ITPR1: variants seen among roughly 807,000 people sequenced by gnomAD.
ITPR1 encodes inositol 1,4,5-trisphosphate-gated calcium channel ITPR1.
Under a neutral mutation model 318.4 loss-of-function variants are expected in ITPR1, and 96 were observed. That is an observed-to-expected ratio of 0.30 (90% confidence interval 0.26 to 0.36). The LOEUF is 0.36. Ranked by LOEUF, ITPR1 falls within the 10% of genes least tolerant of loss-of-function variation. The pLI is 1.00. For synonymous variants in ITPR1, 1,312 were observed against 1,289.9 expected, an observed-to-expected ratio of 1.02 and a Z score of -0.37; for missense variants, 2,440 against 3,460.2, an observed-to-expected ratio of 0.71 and a Z score of 7.40.
chr3:4,570,787 G>A (rs945491899), intron 4 of ITPR1, among the ~76,000 whole-genome samples: 1 of 152,200 alleles, frequency 6.6e-6, no homozygotes, highest in African/African-American at 2.4e-5. Flanking sequence ...GTGATAAATG[G>A]ATCAGAAGAA....
rs370615766 is a variant in ITPR1 at position 4,766,674 on chromosome 3, G to A, written c.5689G>A (p.Asp1897Asn). ...TGACTTGGGAAATAAAAAGAAAGACGATGAGGTAGACAGGGATGCCCCATC... is the reference window on the plus strand; with the variant it reads ...TGACTTGGGAAATAAAAAGAAAGACAATGAGGTAGACAGGGATGCCCCATC... ...TSDLGNKKKD[D>N]EVDRDAPSRK... The change falls in exon 45 of 62, where the codon GAT becomes AAT. Residue 1897 changes from aspartate to asparagine, a missense_variant. Transcript: ENST00000649015. 1.7e-5 allele frequency: 27 copies of A among 1,612,306 alleles called. No homozygotes were observed. The Admixed American group carries it at 2.3e-4, about 14-fold the overall frequency.
At chr3:4,844,824 G>T (rs780049367) in intron 61 of ITPR1, among the ~76,000 whole-genome samples, 1 of 152,292 alleles carries the variant, frequency 6.6e-6, no homozygotes, top group South Asian at 2.1e-4. Context: ...TTATAACAGA[G>T]AAAGCATCTC....
At chr3:4,813,032 G>C in intron 56 of ITPR1, 110 bp from the exon 57 acceptor site, 3 of 797,516 alleles carry the variant, frequency 3.8e-6, no homozygotes, top group Non-Finnish European at 6.6e-6. Context: ...CAAGATTCTA[G>C]GGTGTTATTT....
chr3:4,571,478 A>G (rs570006926), intron 4 of ITPR1, among the ~76,000 whole-genome samples: 1 of 152,046 alleles, frequency 6.6e-6, no homozygotes, highest in South Asian at 2.1e-4. Flanking sequence ...AGCTGGGACT[A>G]CAGGCACATG....
rs773922728 is a variant in ITPR1 at position 4,711,750 on chromosome 3, C to G, written c.4992-7C>G. On this transcript the variant is annotated splice_region_variant and splice_polypyrimidine_tract_variant and intron_variant, in intron 38 of 61. Coordinates refer to ENST00000649015, the MANE Select transcript of ITPR1 (RefSeq NM_001378452.1). ...AGGAAGTAATCCGTGGTTTTCCCCC[C>G]ATTCAGGTTAATAAAGCATACAAAA... 5.4e-6 allele frequency: 8 copies of G among 1,474,002 alleles called. No homozygotes were observed. The Admixed American group carries it at 1.4e-4, about 25-fold the overall frequency. The allele number at this position is 1,474,002 out of a possible 1,614,324, so 91.3% of individuals were successfully genotyped here.
At chr3:4,622,084 C>T (rs1172882799) in intron 4 of ITPR1, among the ~76,000 whole-genome samples, 1 of 151,382 alleles carries the variant, frequency 6.6e-6, no homozygotes, top group African/African-American at 2.4e-5. Context: ...TTTCAGCATC[C>T]AGTCTTGTAC....
At chr3:4,617,013 G>A (rs2092414306) in intron 4 of ITPR1, among the ~76,000 whole-genome samples, 2 of 151,868 alleles carry the variant, frequency 1.3e-5, no homozygotes, top group South Asian at 4.2e-4. Flanking sequence ...TGGACGTAGT[G>A]AGATCAGAGA....
intron 4 of ITPR1, among the ~76,000 whole-genome samples, chr3:4,621,788 C>T (rs375001059): frequency 2.0e-5 from 3 of 152,366 alleles, no homozygotes; most frequent in East Asian, 3.9e-4. Flanking sequence ...AGGGCGTTTG[C>T]ACGTGCTGTT....
intron 4 of ITPR1, among the ~76,000 whole-genome samples, chr3:4,614,610 G>T (rs921430683): frequency 6.6e-6 from 1 of 152,194 alleles, no homozygotes; most frequent in African/African-American, 2.4e-5. Context: ...AACCCAGTCC[G>T]TCAGGTTCTA....
At position 4,513,585 on chromosome 3, in the gene ITPR1, G is replaced by A. The variant is rs576049329; in HGVS notation, c.-16-2891G>A. 1.6e-4 allele frequency among the ~76,000 whole-genome samples: 25 copies of A among 152,178 alleles called. 1 individual carries two copies. Among genetic ancestry groups the A allele is most frequent in the South Asian group, 1.5e-3 (7 of 4,816 alleles). ...TAAAGGTTACTTATTCACTTATCTC[G>A]GCCACTTAATAAGTATCTTGGTTAG... On this transcript the variant is annotated intron_variant, in intron 2 of 61. Transcript: ENST00000649015.
intron 44 of ITPR1, among the ~76,000 whole-genome samples, chr3:4,743,155 T>G (rs1436564287): frequency 6.6e-6 from 1 of 152,264 alleles, no homozygotes; most frequent in East Asian, 1.9e-4. Flanking sequence ...TGTCCTTTTT[T>G]CCTTTCCTTT....
rs368659431 is a variant in ITPR1, at chr3:4,691,288, A to G, written c.3973A>G (p.Ile1325Val). 1.2e-6 allele frequency: 2 copies of G among 1,613,594 alleles called. No homozygotes were observed. Among genetic ancestry groups the G allele is most frequent in the Admixed American group, 1.7e-5 (1 of 60,020 alleles). ...NVQYIKFLQT[I>V]VKAEGKFIKK... Reference sequence around the variant, plus strand: ...CCAGTATATAAAGTTCTTACAGACAATTGTCAAGGCAGAAGGGAAATTTAT... The same window carrying G: ...CCAGTATATAAAGTTCTTACAGACAGTTGTCAAGGCAGAAGGGAAATTTAT... The change falls in exon 32 of 62, where the codon ATT becomes GTT. Residue 1325 changes from isoleucine to valine, a missense_variant. By Grantham distance (29) the Ile-to-Val change is conservative. Coordinates refer to ENST00000649015, the MANE Select transcript of ITPR1 (RefSeq NM_001378452.1).
At chr3:4,597,283 C>G (rs967152721) in intron 4 of ITPR1, among the ~76,000 whole-genome samples, 19 of 152,160 alleles carry the variant, frequency 1.2e-4, no homozygotes, top group African/African-American at 4.6e-4. Flanking sequence ...CTGGATTTGG[C>G]TTGAAGTCAA....
Position 4,661,048 on chromosome 3 carries a change from T to G in ITPR1, c.1212T>G (p.Ile404Met). 6.2e-7 allele frequency: 1 copy of G among 1,610,944 alleles called. No individual in the cohort carries two copies. Among genetic ancestry groups the G allele is most frequent in the Non-Finnish European group, 8.5e-7 (1 of 1,177,202 alleles). The part of the protein sequence containing the change: ...CTNTWVHSTN[I>M]PIDKEEEKPV... ...ATACCTGGGTTCACAGCACAAATAT[T>G]CCTATTGACAAGGAAGAAGAAAAGC... is the stretch of plus-strand genomic sequence containing the variant. The change falls in exon 14 of 62, where the codon ATT becomes ATG. Residue 404 changes from isoleucine to methionine, a missense_variant. Physicochemically the swap from Ile to Met is conservative, Grantham distance 10. Transcript: ENST00000649015.
At chr3:4,498,877 A>G (rs749229028) in intron 2 of ITPR1, among the ~76,000 whole-genome samples, 7 of 152,396 alleles carry the variant, frequency 4.6e-5, no homozygotes, top group Non-Finnish European at 4.4e-5. Context: ...GAGGACTAAT[A>G]TTCTGCTCTC....
At chr3:4,571,266 C>G (rs1478251456) in intron 4 of ITPR1, among the ~76,000 whole-genome samples, 3 of 152,188 alleles carry the variant, frequency 2.0e-5, no homozygotes, top group Non-Finnish European at 2.9e-5. Flanking sequence ...CAGTTCACTA[C>G]ATAAGATTTA....
intron 29 of ITPR1, 81 bp downstream of exon 29, chr3:4,684,427 G>C: frequency 1.0e-6 from 1 of 1,002,550 alleles, no homozygotes; most frequent in South Asian, 1.4e-5. Context: ...CAAGTTGAAG[G>C]TACACACATT....
rs56096727 is a variant in ITPR1, at chr3:4,840,029, C to CTTTTTTTTTT, written c.8190+3114_8190+3123dup. Among the ~76,000 whole-genome samples, 90 of 104,880 alleles carry CTTTTTTTTTT rather than the reference C, an allele frequency of 8.6e-4. 10 individuals carry two copies. The highest frequency in any genetic ancestry group is 1.7e-3 in the African/African-American group (42 of 24,944). The allele number at this position is 104,880 out of a possible 152,430, so 68.8% of individuals were successfully genotyped here. A position where few individuals can be genotyped will look rare whatever the true frequency, so the allele number is the denominator to read the frequency against. ...TTACAGGAAAAATTCAGCATAGCTGCTTTTTTTTTTTTTTTTTTTTTTTTT... is the reference window on the plus strand; with the variant it reads ...TTACAGGAAAAATTCAGCATAGCTGCTTTTTTTTTTTTTTTTTTTTTTTTTTTTTTTTTTT... On this transcript the variant is annotated intron_variant, in intron 61 of 61. Transcript: ENST00000649015.
intron 4 of ITPR1, among the ~76,000 whole-genome samples, chr3:4,567,560 G>A (rs1228178135): frequency 6.6e-6 from 1 of 152,012 alleles, no homozygotes; most frequent in East Asian, 1.9e-4. Flanking sequence ...GGGGGCTGAG[G>A]TGGGTCATGG....
Sources: gnomAD v4.1 joint callset for allele counts (sites outside exome capture counted in the v4.1 genomes callset) on GRCh38, gnomAD v4.1.1 for gene constraint, MANE v1.5 for transcripts, NCBI Gene and HGNC (gene_info 2026-07-23, HGNC 2026-07-21) for gene names.